RBM47: variants seen among roughly 807,000 people sequenced by gnomAD.
RBM47 encodes the protein RNA binding motif protein 47.
A neutral mutation model predicts 47.1 loss-of-function variants in RBM47; 21 were observed. The ratio of observed to expected loss-of-function variants is 0.45; its 90% CI spans 0.32 to 0.64. RBM47 has a LOEUF of 0.64. RBM47 is among the 30% of genes least tolerant of loss of function. The pLI is 0.05. For synonymous variants in RBM47, 375 were observed against 361.7 expected (o/e 1.04, Z -0.42); for missense variants, 708 against 870.9 (o/e 0.81, Z 2.35).
intron 6 of RBM47, 103 bp downstream of exon 6, chr4:40,432,548 G>T: frequency 6.5e-7 from 1 of 1,546,320 alleles, no homozygotes; most frequent in Non-Finnish European, 8.7e-7. Context: ...AGCTGTAACA[G>T]AGAGCCAGGC....
At chr4:40,480,449 T>A (rs957245033) in intron 2 of RBM47, among the ~76,000 whole-genome samples, 2 of 152,196 alleles carry the variant, frequency 1.3e-5, no homozygotes, top group African/African-American at 4.8e-5. Context: ...CCTAATTAGC[T>A]ACCTCTCTAC....
chr4:40,464,890 CAAAAAAAAAAAAAAAAAA>C (rs71646997), intron 3 of RBM47, among the ~76,000 whole-genome samples: 5 of 32,098 alleles, frequency 1.6e-4, no homozygotes, highest in South Asian at 1.8e-3. Flanking sequence ...GACTCTGTCT[CAAAAAAAAAAAAAAAAAA>C]AAAAAAAAGG....
chr4:40,572,809 C>T (rs1266444930), intron 1 of RBM47, among the ~76,000 whole-genome samples: 4 of 151,574 alleles, frequency 2.6e-5, no homozygotes, highest in African/African-American at 9.7e-5. Flanking sequence ...TCCTGTGAGC[C>T]TCCTTGTTTA....
chr4:40,615,050 CAGG>C (rs1389808359), intron 1 of RBM47, among the ~76,000 whole-genome samples: 1 of 151,964 alleles, frequency 6.6e-6, no homozygotes, highest in Non-Finnish European at 1.5e-5. Context: ...CGTTTGAACA[CAGG>C]AGGTTGAAGC....
intron 1 of RBM47, among the ~76,000 whole-genome samples, chr4:40,581,075 T>G (rs1388935230): frequency 6.6e-6 from 1 of 151,692 alleles, no homozygotes; most frequent in Non-Finnish European, 1.5e-5. Context: ...TGGCCAGAGG[T>G]CATGAGCTGA....
intron 1 of RBM47, among the ~76,000 whole-genome samples, chr4:40,626,437 A>C (rs1737742721): frequency 6.6e-6 from 1 of 152,222 alleles, no homozygotes. Flanking sequence ...AGGAGCCTCC[A>C]CTTCCCACAG....
intron 2 of RBM47, among the ~76,000 whole-genome samples, chr4:40,523,995 A>G (rs777252020): frequency 1.3e-5 from 2 of 152,186 alleles, no homozygotes; most frequent in African/African-American, 4.8e-5. Context: ...GTTCCATACA[A>G]TGTTTGGGAA....
intron 1 of RBM47, among the ~76,000 whole-genome samples, chr4:40,589,402 TTTTA>T (rs745855261): frequency 7.2e-5 from 11 of 152,096 alleles, no homozygotes; most frequent in East Asian, 1.9e-4. Context: ...ACAATGTAGT[TTTTA>T]TTTATTTATT....
At chr4:40,495,306 G>A (rs989971371) in intron 2 of RBM47, among the ~76,000 whole-genome samples, 3 of 152,014 alleles carry the variant, frequency 2.0e-5, no homozygotes, top group Non-Finnish European at 4.4e-5. Context: ...TCCTCAATTT[G>A]TTCCCTAAAA....
At chr4:40,626,014 G>C (rs2154282379) in intron 1 of RBM47, among the ~76,000 whole-genome samples, 1 of 152,234 alleles carries the variant, frequency 6.6e-6, no homozygotes, top group East Asian at 1.9e-4. Flanking sequence ...CTTTGATAGG[G>C]TGCACCAAAA....
intron 3 of RBM47, among the ~76,000 whole-genome samples, chr4:40,455,267 G>T (rs1716062033): frequency 6.6e-6 from 1 of 152,230 alleles, no homozygotes; most frequent in Non-Finnish European, 1.5e-5. Context: ...TAATCGCAAT[G>T]TTCAAGTGAG....
intron 3 of RBM47, among the ~76,000 whole-genome samples, chr4:40,451,534 T>TTTCC (rs1205075952): frequency 6.6e-6 from 1 of 152,200 alleles, no homozygotes; most frequent in Non-Finnish European, 1.5e-5. Flanking sequence ...TTGGGCTGTT[T>TTTCC]TCAAATGTCA....
chr4:40,428,083 C>A (rs1278415460), intron 6 of RBM47, among the ~76,000 whole-genome samples: 1 of 152,144 alleles, frequency 6.6e-6, no homozygotes, highest in Non-Finnish European at 1.5e-5. Context: ...GTTCCAGCTA[C>A]TCAAGAGGCT....
chr4:40,536,729 T>C lies in RBM47; in HGVS notation c.-155+7693A>G, dbSNP rs868752540. Among the ~76,000 whole-genome samples the C allele has an allele frequency of 4.6e-5, 7 of 152,080 alleles. No homozygotes were observed. The South Asian group carries it at 1.5e-3, about 32-fold the overall frequency. ...TGTGTGTGTGTGTGTTTTTGTTTTT[T>C]TTTTATTGTTGTTGTTGACAGAGTC... On this transcript the variant is annotated intron_variant, in intron 2 of 6. Transcript: ENST00000295971.
At chr4:40,559,154 A>G (rs1730376649) in intron 1 of RBM47, among the ~76,000 whole-genome samples, 1 of 152,184 alleles carries the variant, frequency 6.6e-6, no homozygotes. Context: ...CCCCTCAGTA[A>G]TGGTTTTTTC....
chr4:40,602,642 G>A (rs11722004), intron 1 of RBM47, among the ~76,000 whole-genome samples: 25,672 of 129,610 alleles, frequency 0.2, 2,881 homozygotes, highest in Admixed American at 0.29. Flanking sequence ...GTGAGAATCC[G>A]TTTAAAAAAA....
intron 2 of RBM47, among the ~76,000 whole-genome samples, chr4:40,498,412 C>T (rs937404719): frequency 6.6e-6 from 1 of 151,870 alleles, no homozygotes; most frequent in Admixed American, 6.6e-5. Context: ...AAGTATTGGC[C>T]TTGGCCAGGC....
intron 3 of RBM47, among the ~76,000 whole-genome samples, chr4:40,457,435 A>AAC (rs1004690927): frequency 6.6e-6 from 1 of 151,706 alleles, no homozygotes; most frequent in Non-Finnish European, 1.5e-5. Context: ...AAAAAAAAAA[A>AAC]AAACAAAAAA....
rs1560493355 is a variant in RBM47 at position 40,592,973 on chromosome 4, ATATATATTTTT to A, written c.-240+36412_-240+36422del. On this transcript the variant is annotated intron_variant, in intron 1 of 6. Transcript: ENST00000295971. The stretch of plus-strand genomic sequence containing the variant: ...TATATATATATATATATATATATAT[ATATATATTTTT>A]TTTTTTTTTTTTTTTTTTTTTTTTT... Among the ~76,000 whole-genome samples the A allele has an allele frequency of 1.8e-3, 32 of 17,980 alleles. 1 individual carries two copies. Among genetic ancestry groups the A allele is most frequent in the Admixed American group, 3.1e-3 (3 of 980 alleles). 11.8% of individuals were successfully genotyped at this position (17,980 alleles called of 152,430 possible).
Sources: allele counts gnomAD v4.1 joint callset (sites outside exome capture counted in the v4.1 genomes callset), GRCh38; gene constraint gnomAD v4.1.1; transcripts MANE v1.5; gene names NCBI Gene and HGNC (gene_info 2026-07-23, HGNC 2026-07-21).